The following ZNF416 variants were observed in gnomAD, a reference collection of about 807,000 sequenced individuals.
ZNF416 encodes the protein zinc finger protein 416.
In ZNF416, 5 loss-of-function variants were observed where a neutral mutation model predicts 10.9. The ratio of observed to expected loss-of-function variants is 0.46; its 90% CI spans 0.24 to 0.97. The LOEUF (loss-of-function observed/expected upper bound fraction) is 0.97, where lower values mean the gene tolerates loss of function less well. ZNF416 is among the 50% of genes least tolerant of loss of function. The pLI, the probability that ZNF416 is intolerant of heterozygous loss-of-function variation, is 0.19. For missense variants in ZNF416, 675 were observed against 715.0 expected (o/e 0.94, Z 0.64); for synonymous variants, 267 against 251.8 (o/e 1.06, Z -0.57).
Position 57,572,604 on chromosome 19 carries a change from C to T in ZNF416, c.1300G>A (p.Gly434Arg), listed in dbSNP as rs745832528. 1 of 1,614,130 alleles carries T rather than the reference C, an allele frequency of 6.2e-7. No homozygotes were observed. Among genetic ancestry groups the T allele is most frequent in the South Asian group, 1.1e-5 (1 of 91,082 alleles). Residue 434 changes from glycine (G) to arginine (R), a missense_variant, in exon 4 of 4, where the codon GGA becomes AGA. Gly to Arg is a moderately radical substitution (Grantham distance 125). Coordinates refer to ENST00000196489, the MANE Select transcript of ZNF416 (RefSeq NM_017879.3). The surrounding 1 kb of genome is among the most constrained non-coding windows in gnomAD (Gnocchi z 4.5). ...TCATCACACTCAAAGGGCCTAGCTC[C>T]ACTGTGAATTAACTGGTGCTGAATG... ...GLIQHQLIHS[G>R]ARPFECDECG... is the part of the protein sequence containing the mutation.
rs1283925370 is a variant in ZNF416, at chr19:57,572,715, G to A, written c.1189C>T (p.Leu397Phe). The A allele has an allele frequency of 1.9e-6, 3 of 1,613,964 alleles. No individual in the cohort carries two copies. The highest frequency in any genetic ancestry group is 1.1e-5 in the South Asian group (1 of 91,088). ...CGKLFRQSFS[L>F]VVHQRIHTTA... Reference sequence around the variant, plus strand: ...GTGTGAATTCTCTGGTGTACAACAAGGCTGAAGCTTTGTCTGAATAATTTC... The same window carrying A: ...GTGTGAATTCTCTGGTGTACAACAAAGCTGAAGCTTTGTCTGAATAATTTC... Residue 397 changes from leucine to phenylalanine, a missense_variant, in exon 4 of 4, where the codon CTT (leucine) becomes TTT (phenylalanine). Physicochemically the swap from Leu to Phe is conservative, Grantham distance 22. Transcript: ENST00000196489. The surrounding 1 kb of genome is among the most constrained non-coding windows in gnomAD (Gnocchi z 4.5).
Position 57,573,704 on chromosome 19 carries a change from G to T in ZNF416, c.203-3C>A. The T allele has an allele frequency of 6.2e-7, 1 of 1,605,478 alleles. No homozygotes were observed. The highest frequency in any genetic ancestry group is 1.1e-5 in the South Asian group (1 of 90,684). ...ATCCTCCATCCCATGCCAACAAACTGAAAGCAGAGAAACACTGATGAAATG... is the reference window on the plus strand; with the variant it reads ...ATCCTCCATCCCATGCCAACAAACTTAAAGCAGAGAAACACTGATGAAATG... On this transcript the variant is annotated splice_region_variant and splice_polypyrimidine_tract_variant and intron_variant, in intron 3 of 3. Coordinates refer to ENST00000196489, the MANE Select transcript of ZNF416 (RefSeq NM_017879.3).
chr19:57,578,299 C>A (rs1978620894), intron 1 of ZNF416, among the ~76,000 whole-genome samples: 1 of 152,158 alleles, frequency 6.6e-6, no homozygotes, highest in Non-Finnish European at 1.5e-5. Flanking sequence ...CGGTGTTATC[C>A]CCCTTCCAGG....
At chr19:57,576,714 G>A (rs1325097520) in intron 2 of ZNF416, among the ~76,000 whole-genome samples, 1 of 151,838 alleles carries the variant, frequency 6.6e-6, no homozygotes, top group African/African-American at 2.4e-5. Flanking sequence ...CACACCTCAG[G>A]CCCAATAACT....
chr19:57,577,313 CA>C (rs1978576451), intron 2 of ZNF416, among the ~76,000 whole-genome samples: 1 of 152,132 alleles, frequency 6.6e-6, no homozygotes, highest in African/African-American at 2.4e-5. Flanking sequence ...TGGTCCATAT[CA>C]AAATTTCTGA....
At chr19:57,576,444 A>G (rs912202850) in intron 2 of ZNF416, among the ~76,000 whole-genome samples, 3 of 152,094 alleles carry the variant, frequency 2.0e-5, no homozygotes, top group African/African-American at 4.8e-5. Flanking sequence ...CAACATTCAG[A>G]AAGTGCTTGG....
At position 57,571,990 on chromosome 19, in the gene ZNF416, TAGA is replaced by T; in HGVS notation, c.*126_*128del. On this transcript the variant is annotated 3_prime_UTR_variant, in exon 4 of 4. Transcript: ENST00000196489. ...TGGGAGTCTGACCCATCGGGAGGTCTAGAAGTATGAGGTTTAACTTTAGGCAGA... is the reference window on the plus strand; with the variant it reads ...TGGGAGTCTGACCCATCGGGAGGTCTAGTATGAGGTTTAACTTTAGGCAGA... 8.0e-7 allele frequency: 1 copy of T among 1,243,130 alleles called. No homozygotes were observed. Among genetic ancestry groups the T allele is most frequent in the Non-Finnish European group, 1.1e-6 (1 of 890,978 alleles). 77.0% of individuals were successfully genotyped at this position (1,243,130 alleles called of 1,614,324 possible).
intron 2 of ZNF416, among the ~76,000 whole-genome samples, chr19:57,577,302 A>G (rs1285611554): frequency 6.6e-6 from 1 of 152,190 alleles, no homozygotes; most frequent in Non-Finnish European, 1.5e-5. Context: ...AAAAATAAAG[A>G]TGGTCCATAT....
rs761851118 is a variant in ZNF416, at chr19:57,572,079, T to C, written c.*40A>G. 2 of 1,581,040 alleles carry C rather than the reference T, an allele frequency of 1.3e-6. No homozygotes were observed. Among genetic ancestry groups the C allele is most frequent in the South Asian group, 1.2e-5 (1 of 86,462 alleles). On this transcript the variant is annotated 3_prime_UTR_variant, in exon 4 of 4. Transcript: ENST00000196489. The surrounding 1 kb of genome is among the most constrained non-coding windows in gnomAD (Gnocchi z 4.5). The stretch of plus-strand genomic sequence containing the variant: ...CTGAAGAAAGACATGGCACATTCCC[T>C]GCAGGTCTAAGGCTTTTCTCAGGTT...
rs1289630415 is a variant in ZNF416, at chr19:57,575,653, T to G, written c.202+151A>C. 9.3e-7 allele frequency: 1 copy of G among 1,075,100 alleles called. No homozygotes were observed. The highest frequency in any genetic ancestry group is 1.4e-6 in the Non-Finnish European group (1 of 718,264). 66.6% of individuals were successfully genotyped at this position (1,075,100 alleles called of 1,614,324 possible). On this transcript the variant is annotated intron_variant, in intron 3 of 3. Coordinates refer to ENST00000196489, the MANE Select transcript of ZNF416 (RefSeq NM_017879.3). This position sits in a 1 kb window ranked among gnomAD's most constrained non-coding sequence, Gnocchi z 4.4. ...TTGGGACAGCAAATGTCAGGGCTGA[T>G]TAAGGAGTGCAATGATTTCATTCCT... is the stretch of plus-strand genomic sequence containing the variant.
chr19:57,576,049 T>C, intron 2 of ZNF416, 119 bp from the exon 3 acceptor site: 1 of 1,292,124 alleles, frequency 7.7e-7, no homozygotes, highest in South Asian at 1.4e-5. Flanking sequence ...TCAGAGGAGA[T>C]ACCAAGACCT....
Position 57,573,609 on chromosome 19 carries a change from A to G in ZNF416, c.295T>C (p.Ser99Pro), listed in dbSNP as rs1978412454. 6.2e-7 allele frequency: 1 copy of G among 1,614,166 alleles called. No individual in the cohort carries two copies. Among genetic ancestry groups the G allele is most frequent in the East Asian group, 2.2e-5 (1 of 44,884 alleles). ...TCACAGGATTGAATCTTCTGGGTGGATGGACTGGCCTCTGGAGTCCTGACC... is the reference window on the plus strand; with the variant it reads ...TCACAGGATTGAATCTTCTGGGTGGGTGGACTGGCCTCTGGAGTCCTGACC... ...PQVRTPEASP[S>P]TQKIQSCDMC... is the part of the protein sequence containing the mutation. The change falls in exon 4 of 4, where the codon TCC (serine) becomes CCC (proline). Residue 99 changes from serine to proline, a missense_variant. Transcript: ENST00000196489.
In ZNF416 at chr19:57,572,635, A is replaced by G; in HGVS notation, c.1269T>C (p.Cys423=). 1.9e-6 allele frequency: 3 copies of G among 1,614,208 alleles called. No homozygotes were observed. The highest frequency in any genetic ancestry group is 1.7e-6 in the Non-Finnish European group (2 of 1,180,036). ...GAATTAACTGGTGCTGAATGAGGCC[A>G]CACTTTAGGCTAAATGATTTCCCAC... ...GQCGKSFSLK[C]GLIQHQLIHS... is the part of the protein sequence containing the mutation. Residue 423 remains cysteine (C), a synonymous_variant, in exon 4 of 4, where the codon TGT becomes TGC. Coordinates refer to ENST00000196489, the MANE Select transcript of ZNF416 (RefSeq NM_017879.3). The surrounding 1 kb of genome is among the most constrained non-coding windows in gnomAD (Gnocchi z 4.5).
chr19:57,577,287 A>T (rs1006987011), intron 2 of ZNF416, among the ~76,000 whole-genome samples: 3 of 152,190 alleles, frequency 2.0e-5, no homozygotes, highest in Non-Finnish European at 4.4e-5. Context: ...TTATTAAAAA[A>T]TTTTAAAAAT....
In ZNF416 at chr19:57,578,812, A is replaced by C; in HGVS notation, c.-108T>G. The C allele has an allele frequency of 8.7e-7, 1 of 1,147,868 alleles. No homozygotes were observed. 71.1% of individuals were successfully genotyped at this position (1,147,868 alleles called of 1,614,324 possible). ...CCACCGGCTGATGCGCAGCGGGGCG[A>C]CCCCCGCTCTGTGCCGGAGGCAGCG... On this transcript the variant is annotated 5_prime_UTR_variant, in exon 1 of 4. Transcript: ENST00000196489.
At chr19:57,574,302 T>G (rs1978446393) in intron 3 of ZNF416, among the ~76,000 whole-genome samples, 1 of 152,120 alleles carries the variant, frequency 6.6e-6, no homozygotes, top group Admixed American at 6.5e-5. Context: ...AATTACCCAA[T>G]CCTAAACTGT....
rs1415548395 is a variant in ZNF416, at chr19:57,573,847, G to A, written c.203-146C>T. Reference sequence around the variant, plus strand: ...GCTCAGGAGTTTGAGACCAGTCTGGGCAATATGGTGAAACCCTGGCTCTAC... The same window carrying A: ...GCTCAGGAGTTTGAGACCAGTCTGGACAATATGGTGAAACCCTGGCTCTAC... On this transcript the variant is annotated intron_variant, in intron 3 of 3. Transcript: ENST00000196489. 4 of 994,728 alleles carry A rather than the reference G, an allele frequency of 4.0e-6. No individual in the cohort carries two copies. In the Admixed American group the frequency reaches 8.2e-5, roughly 20 times the overall value. The allele number at this position is 994,728 out of a possible 1,614,324, so 61.6% of individuals were successfully genotyped here. A position where few individuals can be genotyped will look rare whatever the true frequency, so the allele number is the denominator to read the frequency against.
At chr19:57,578,466 G>A (rs1978630047) in intron 1 of ZNF416, 2 of 552,960 alleles carry the variant, frequency 3.6e-6, no homozygotes, top group Non-Finnish European at 6.1e-6. Flanking sequence ...AATCGTCCCA[G>A]CAAGATTCAC....
At position 57,576,878 on chromosome 19, in the gene ZNF416, T is replaced by C. The variant is rs116285361; in HGVS notation, c.76-948A>G. 2.4e-3 allele frequency among the ~76,000 whole-genome samples: 363 copies of C among 152,234 alleles called. 1 individual carries two copies. The highest frequency in any genetic ancestry group is 8.1e-3 in the African/African-American group (337 of 41,534). ...ATCTTGTCTCAATTACTTCCAAGCATTGATCTCATGCCCACTCTTCTCCTA... is the reference window on the plus strand; with the variant it reads ...ATCTTGTCTCAATTACTTCCAAGCACTGATCTCATGCCCACTCTTCTCCTA... On this transcript the variant is annotated intron_variant, in intron 2 of 3. Coordinates refer to ENST00000196489, the MANE Select transcript of ZNF416 (RefSeq NM_017879.3).
Sources: allele counts gnomAD v4.1 joint callset (sites outside exome capture counted in the v4.1 genomes callset), GRCh38; gene constraint gnomAD v4.1.1; non-coding constraint Gnocchi (gnomAD v3.1); transcripts MANE v1.5; gene names NCBI Gene and HGNC (gene_info 2026-07-23, HGNC 2026-07-21).